CNTLN: variants seen among roughly 807,000 people sequenced by gnomAD.
CNTLN encodes centlein.
A neutral mutation model predicts 180.0 loss-of-function variants in CNTLN; 212 were observed. The ratio of observed to expected loss-of-function variants is 1.18; its 90% CI spans 1.05 to 1.32. The LOEUF (loss-of-function observed/expected upper bound fraction) is 1.32, where lower values mean the gene tolerates loss of function less well. Ranked by LOEUF, CNTLN falls within the 40% of genes most tolerant of loss-of-function variation. CNTLN has a pLI of 0.00. For synonymous variants in CNTLN, 722 were observed against 563.1 expected (o/e 1.28, Z -3.99); for missense variants, 2,095 against 1,610.9 (o/e 1.30, Z -5.14).
chr9:17,478,373 CTGT>C lies in CNTLN; in HGVS notation c.3856-5917_3856-5915del, dbSNP rs550159277. On this transcript the variant is annotated intron_variant, in intron 23 of 25. Coordinates refer to ENST00000380647, the MANE Select transcript of CNTLN (RefSeq NM_017738.4). ...TTCCATTGTGTAGGTTGCCTGTTCA[CTGT>C]TGTTTGCTGTGCAGAAGCCTTTTAG... Among the ~76,000 whole-genome samples the C allele has an allele frequency of 6.6e-5, 10 of 152,202 alleles. No homozygotes were observed. In the East Asian group the frequency reaches 1.7e-3, roughly 26 times the overall value.
chr9:17,517,621 C>T, the CNTLN span, among the ~76,000 whole-genome samples: 13 of 151,810 alleles, frequency 8.6e-5, no homozygotes, highest in Admixed American at 2.6e-4. Context: ...TAGGCTGCCT[C>T]GGCTGAAGGA....
At chr9:17,321,430 C>A (rs553309416) in intron 8 of CNTLN, among the ~76,000 whole-genome samples, 24 of 152,266 alleles carry the variant, frequency 1.6e-4, no homozygotes, top group African/African-American at 5.3e-4. Flanking sequence ...CCTTTTCTCC[C>A]CACTGCCTTC....
chr9:17,360,773 T>C (rs956227627), intron 12 of CNTLN, among the ~76,000 whole-genome samples: 1 of 152,250 alleles, frequency 6.6e-6, no homozygotes, highest in Non-Finnish European at 1.5e-5. Context: ...ATTGTGGTCA[T>C]AGAAGATGCT....
chr9:17,186,508 A>G (rs914499530), intron 2 of CNTLN, among the ~76,000 whole-genome samples: 1 of 152,178 alleles, frequency 6.6e-6, no homozygotes, highest in African/African-American at 2.4e-5. Flanking sequence ...TACATTGTAT[A>G]TGATTTTGGA....
intron 2 of CNTLN, among the ~76,000 whole-genome samples, chr9:17,218,612 A>C (rs1376450864): frequency 2.0e-5 from 3 of 152,142 alleles, no homozygotes; most frequent in African/African-American, 7.2e-5. Context: ...GAATTGTTTA[A>C]ATTGCAAACC....
At chr9:17,270,721 G>T (rs535344221) in intron 5 of CNTLN, among the ~76,000 whole-genome samples, 5 of 152,078 alleles carry the variant, frequency 3.3e-5, no homozygotes, top group Middle Eastern at 3.4e-3. Flanking sequence ...ACCAGATAAG[G>T]TGTTTTTTTG....
At chr9:17,525,986 A>T in the CNTLN span, among the ~76,000 whole-genome samples, 1 of 151,910 alleles carries the variant, frequency 6.6e-6, no homozygotes, top group Non-Finnish European at 1.5e-5. Context: ...CCCAGGCTGG[A>T]GTGCAGTGGC....
chr9:17,369,172 A>G (rs1824094667), intron 13 of CNTLN, among the ~76,000 whole-genome samples: 1 of 152,010 alleles, frequency 6.6e-6, no homozygotes, highest in African/African-American at 2.4e-5. Flanking sequence ...TTCTCATGAA[A>G]TCTGATGGTT....
At chr9:17,214,365 G>A (rs1400269549) in intron 2 of CNTLN, among the ~76,000 whole-genome samples, 2 of 152,196 alleles carry the variant, frequency 1.3e-5, no homozygotes, top group African/African-American at 4.8e-5. Flanking sequence ...TTTTCTTTAA[G>A]AATGTTGAAT....
chr9:17,155,193 A>G (rs1310337250), intron 2 of CNTLN, among the ~76,000 whole-genome samples: 1 of 152,172 alleles, frequency 6.6e-6, no homozygotes, highest in Non-Finnish European at 1.5e-5. Context: ...ATCTTTAAGA[A>G]CTGTAACACT....
chr9:17,357,334 A>G (rs1410089068), intron 12 of CNTLN, among the ~76,000 whole-genome samples: 4 of 151,858 alleles, frequency 2.6e-5, no homozygotes, highest in African/African-American at 9.7e-5. Flanking sequence ...TATAAAGTCA[A>G]CAGGATTCTT....
chr9:17,353,297 T>TTG (rs1031514474), intron 12 of CNTLN, among the ~76,000 whole-genome samples: 1 of 150,998 alleles, frequency 6.6e-6, no homozygotes, highest in Non-Finnish European at 1.5e-5. Context: ...TTTTTTTTTT[T>TTG]TTTTTTTTAC....
intron 18 of CNTLN, among the ~76,000 whole-genome samples, chr9:17,454,723 G>T (rs1381582275): frequency 6.6e-6 from 1 of 152,148 alleles, no homozygotes; most frequent in Non-Finnish European, 1.5e-5. Flanking sequence ...ACCTTTGTTA[G>T]GTAGACAAGC....
the CNTLN span, among the ~76,000 whole-genome samples, chr9:17,520,000 G>C: frequency 1.3e-5 from 2 of 152,182 alleles, no homozygotes; most frequent in African/African-American, 4.8e-5. Flanking sequence ...AGAAGTAAAA[G>C]GCAATGTTTT....
intron 18 of CNTLN, among the ~76,000 whole-genome samples, chr9:17,438,416 A>G (rs1189817176): frequency 6.6e-6 from 1 of 152,210 alleles, no homozygotes; most frequent in African/African-American, 2.4e-5. Flanking sequence ...GAAGGTAAAG[A>G]AAAAAGAGGT....
rs1818092011 is a variant in CNTLN at position 17,298,284 on chromosome 9, A to G, written c.1078A>G (p.Met360Val). Residue 360 changes from methionine to valine, a missense_variant, in exon 7 of 26, where the codon ATG becomes GTG. Coordinates refer to ENST00000380647, the MANE Select transcript of CNTLN (RefSeq NM_017738.4). ...ELIQQLQVLN[M>V]DTQKVLRNQE... Reference sequence around the variant, plus strand: ...GATCCAGCAGCTTCAGGTTCTCAATATGGACACACAAAAAGTACTGAGAAA... The same window carrying G: ...GATCCAGCAGCTTCAGGTTCTCAATGTGGACACACAAAAAGTACTGAGAAA... 2.5e-6 allele frequency: 4 copies of G among 1,613,758 alleles called. No individual in the cohort carries two copies. The highest frequency in any genetic ancestry group is 2.2e-5 in the East Asian group (1 of 44,852).
chr9:17,214,882 G>C (rs531971893), intron 2 of CNTLN, among the ~76,000 whole-genome samples: 1 of 152,222 alleles, frequency 6.6e-6, no homozygotes, highest in South Asian at 2.1e-4. Flanking sequence ...CGTAGTCCTC[G>C]TGCCATGGTT....
chr9:17,251,085 T>G (rs1826111251), intron 5 of CNTLN, among the ~76,000 whole-genome samples: 1 of 152,022 alleles, frequency 6.6e-6, no homozygotes, highest in South Asian at 2.1e-4. Flanking sequence ...GCCTCTGTAC[T>G]TCATGGTTTC....
At chr9:17,517,560 A>T in the CNTLN span, among the ~76,000 whole-genome samples, 3 of 152,158 alleles carry the variant, frequency 2.0e-5, no homozygotes, top group South Asian at 4.2e-4. Flanking sequence ...AGACACAAAG[A>T]TACACACAGA....
Sources: gnomAD v4.1 joint callset for allele counts (sites outside exome capture counted in the v4.1 genomes callset) on GRCh38, gnomAD v4.1.1 for gene constraint, MANE v1.5 for transcripts, NCBI Gene and HGNC (gene_info 2026-07-23, HGNC 2026-07-21) for gene names.